The following NCOR1 variants were observed in gnomAD, a reference collection of about 807,000 sequenced individuals.
NCOR1 encodes nuclear receptor corepressor 1.
Under a neutral mutation model 288.1 loss-of-function variants are expected in NCOR1, and 63 were observed. The ratio of observed to expected loss-of-function variants is 0.22; its 90% CI spans 0.18 to 0.27. NCOR1 has a LOEUF of 0.27. Ranked by LOEUF, NCOR1 falls within the 10% of genes least tolerant of loss-of-function variation. NCOR1 has a pLI of 1.00. For synonymous variants in NCOR1, 1,007 were observed against 1,065.9 expected (o/e 0.94, Z 1.08); for missense variants, 2,397 against 3,019.2 (o/e 0.79, Z 4.83).
At chr17:16,145,129 G>A (rs1275439496) in intron 10 of NCOR1, among the ~76,000 whole-genome samples, 6 of 152,354 alleles carry the variant, frequency 3.9e-5, no homozygotes, top group Non-Finnish European at 5.9e-5. Context: ...TCCAGCTCCT[G>A]ACCGCGAGTG....
At chr17:16,048,277 G>C (rs1433205609) in intron 41 of NCOR1, among the ~76,000 whole-genome samples, 1 of 152,176 alleles carries the variant, frequency 6.6e-6, no homozygotes, top group Non-Finnish European at 1.5e-5. Context: ...GCAGAGGGAA[G>C]TGAAGCTGAA....
At chr17:16,112,920 A>T (rs1245566237) in intron 18 of NCOR1, among the ~76,000 whole-genome samples, 1 of 151,596 alleles carries the variant, frequency 6.6e-6, no homozygotes, top group African/African-American at 2.4e-5. Flanking sequence ...TTATTTATTT[A>T]TTTATTTTGA....
intron 2 of NCOR1, among the ~76,000 whole-genome samples, chr17:16,191,029 G>C (rs773822989): frequency 1.3e-5 from 2 of 152,208 alleles, no homozygotes; most frequent in Non-Finnish European, 2.9e-5. Context: ...TGAACTTCCA[G>C]AAGTTAGTTT....
chr17:16,079,980 C>A lies in NCOR1; in HGVS notation c.3485G>T (p.Arg1162Leu), dbSNP rs1567882136. The A allele has an allele frequency of 6.2e-7, 1 of 1,613,538 alleles. No homozygotes were observed. ...GTGACTAACCTGAGTGATAGAGCCC[C>A]GTAGGGATGGAATGCTCTCCACTGA... is the stretch of plus-strand genomic sequence containing the variant. ...KISVESIPSL[R>L]GSITQGTPAL... Residue 1162 changes from arginine to leucine, a missense_variant, in exon 26 of 46, where the codon CGG (arginine) becomes CTG (leucine). Physicochemically the swap from Arg to Leu is moderately radical, Grantham distance 102. Transcript: ENST00000268712.
At position 16,058,503 on chromosome 17, in the gene NCOR1, T is replaced by A; in HGVS notation, c.5978A>T (p.Gln1993Leu). Residue 1993 changes from glutamine (Q) to leucine (L), a missense_variant, in exon 38 of 46, where the codon CAG becomes CTG. Physicochemically the swap from Gln to Leu is moderately radical, Grantham distance 113. Around this residue, in one of 11 missense-constraint regions of NCOR1, gnomAD observed 1,872 missense variants for 2,187.8 expected, o/e 0.86. Coordinates refer to ENST00000268712, the MANE Select transcript of NCOR1 (RefSeq NM_006311.4). The part of the protein sequence containing the change: ...APPQEKLQTY[Q>L]PEVVKANQAE... Reference sequence around the variant, plus strand: ...TTGATTTGCCTTAACAACCTCTGGCTGATAGGTCTGCAGTTTCTCCTGGGG... The same window carrying A: ...TTGATTTGCCTTAACAACCTCTGGCAGATAGGTCTGCAGTTTCTCCTGGGG... The A allele has an allele frequency of 2.5e-6, 4 of 1,614,144 alleles. No individual in the cohort carries two copies. The highest frequency in any genetic ancestry group is 3.4e-6 in the Non-Finnish European group (4 of 1,180,000).
rs1354379737 is a variant in NCOR1, at chr17:16,208,793, A to G, written c.-71+6569T>C. 3.3e-5 allele frequency among the ~76,000 whole-genome samples: 5 copies of G among 152,014 alleles called. No homozygotes were observed. In the East Asian group the frequency reaches 9.6e-4, roughly 29 times the overall value. ...GGAGGCTGCATTGAACTATGATCAC[A>G]CCACTACACTCCAGCCTGAAGCCTC... is the stretch of plus-strand genomic sequence containing the variant. On this transcript the variant is annotated intron_variant, in intron 1 of 45. Transcript: ENST00000268712.
intron 3 of NCOR1, among the ~76,000 whole-genome samples, chr17:16,177,581 C>T (rs896367106): frequency 5.3e-5 from 8 of 152,112 alleles, no homozygotes; most frequent in Non-Finnish European, 7.4e-5. Context: ...TTTCTAAATA[C>T]TGTTCTATGG....
intron 45 of NCOR1, among the ~76,000 whole-genome samples, chr17:16,032,733 C>CAG (rs1453187274): frequency 6.6e-6 from 1 of 152,170 alleles, no homozygotes; most frequent in African/African-American, 2.4e-5. Flanking sequence ...CTGCTGAGCC[C>CAG]AGAAGAGAAA....
chr17:16,041,712 G>C (rs1264422181), intron 42 of NCOR1, among the ~76,000 whole-genome samples: 1 of 151,800 alleles, frequency 6.6e-6, no homozygotes, highest in Non-Finnish European at 1.5e-5. Context: ...ACTGTGCTCA[G>C]CCAGAATGTG....
At chr17:16,141,357 G>A (rs968560258) in intron 11 of NCOR1, among the ~76,000 whole-genome samples, 2 of 151,978 alleles carry the variant, frequency 1.3e-5, no homozygotes, top group African/African-American at 2.4e-5. Flanking sequence ...AAATAAGAAA[G>A]GAAAGAAAAA....
intron 15 of NCOR1, among the ~76,000 whole-genome samples, chr17:16,121,659 A>G (rs560869305): frequency 6.6e-6 from 1 of 152,208 alleles, no homozygotes; most frequent in Non-Finnish European, 1.5e-5. Context: ...AGGTTGCCTC[A>G]TGTATGAAAT....
chr17:16,154,355 A>G (rs935910289), intron 6 of NCOR1, among the ~76,000 whole-genome samples: 1 of 152,196 alleles, frequency 6.6e-6, no homozygotes, highest in Non-Finnish European at 1.5e-5. Context: ...GAAGTAAATA[A>G]TTCTTCAACA....
intron 3 of NCOR1, among the ~76,000 whole-genome samples, chr17:16,173,903 C>A (rs982554589): frequency 6.6e-6 from 1 of 151,514 alleles, no homozygotes; most frequent in Non-Finnish European, 1.5e-5. Flanking sequence ...TATACTCCTG[C>A]AGGGGCAACA....
At chr17:16,181,022 G>A (rs2085297510) in intron 3 of NCOR1, among the ~76,000 whole-genome samples, 1 of 152,120 alleles carries the variant, frequency 6.6e-6, no homozygotes, top group South Asian at 2.1e-4. Context: ...AGCTGGGCAT[G>A]GTGGCACACG....
chr17:16,178,101 C>G (rs926765860), intron 3 of NCOR1, among the ~76,000 whole-genome samples: 16 of 152,154 alleles, frequency 1.1e-4, no homozygotes, highest in Non-Finnish European at 1.9e-4. Context: ...CCCAGCTACT[C>G]TAGAGGCTGA....
intron 22 of NCOR1, among the ~76,000 whole-genome samples, chr17:16,091,111 A>C (rs2065103942): frequency 6.6e-6 from 1 of 152,230 alleles, no homozygotes; most frequent in Non-Finnish European, 1.5e-5. Context: ...ACACCAACTA[A>C]AACAGCAACG....
chr17:16,136,719 A>G (rs893606416), intron 14 of NCOR1, among the ~76,000 whole-genome samples: 46 of 151,518 alleles, frequency 3.0e-4, no homozygotes, highest in African/African-American at 1.1e-3. Context: ...AGGCAGGAGA[A>G]TCGATTGAAC....
intron 32 of NCOR1, among the ~76,000 whole-genome samples, chr17:16,066,096 T>A (rs1005254794): frequency 6.6e-6 from 1 of 152,194 alleles, no homozygotes; most frequent in Admixed American, 6.5e-5. Context: ...AACTTTACTC[T>A]CCAGGGGGTG....
intron 37 of NCOR1, 149 bp downstream of exon 37, chr17:16,061,252 A>G (rs2060517878): frequency 1.0e-6 from 1 of 985,082 alleles, no homozygotes; most frequent in East Asian, 2.4e-5. Context: ...TATTTAAATA[A>G]TCATAAAAAC....
Sources: allele counts gnomAD v4.1 joint callset (sites outside exome capture counted in the v4.1 genomes callset), GRCh38; gene constraint gnomAD v4.1.1; regional missense constraint gnomAD v4.1.1; transcripts MANE v1.5; gene names NCBI Gene and HGNC (gene_info 2026-07-23, HGNC 2026-07-21).